Variants in USP30 observed in about 807,000 individuals in gnomAD.
USP30 encodes ubiquitin specific peptidase 30.
Under a neutral mutation model 68.2 loss-of-function variants are expected in USP30, and 41 were observed. The ratio of observed to expected loss-of-function variants is 0.60; its 90% CI spans 0.47 to 0.78. USP30 has a LOEUF of 0.78. Among genes scored for constraint, USP30 ranks in the 30% least tolerant of loss-of-function variants. The pLI is 0.00. For synonymous variants in USP30, 229 were observed against 253.7 expected (o/e 0.90, Z 0.93); for missense variants, 522 against 649.4 (o/e 0.80, Z 2.13).
chr12:109,072,051 C>T (rs1311255946), intron 5 of USP30, among the ~76,000 whole-genome samples: 1 of 152,078 alleles, frequency 6.6e-6, no homozygotes, highest in Non-Finnish European at 1.5e-5. Flanking sequence ...GAGGAGTTGA[C>T]AAAAGTTAAC....
At chr12:109,032,804 C>T (rs1477229191) in intron 3 of USP30, among the ~76,000 whole-genome samples, 2 of 152,216 alleles carry the variant, frequency 1.3e-5, no homozygotes, top group Non-Finnish European at 2.9e-5. Context: ...GCAGCTGCCT[C>T]CAGCCCACCA....
chr12:109,081,634 CA>C (rs2041805144), intron 8 of USP30: 2 of 556,616 alleles, frequency 3.6e-6, no homozygotes, highest in African/African-American at 4.2e-5. Flanking sequence ...CACACACACA[CA>C]CACACACACA....
At chr12:109,039,527 T>A (rs1163439906) in intron 3 of USP30, among the ~76,000 whole-genome samples, 1 of 152,132 alleles carries the variant, frequency 6.6e-6, no homozygotes. Flanking sequence ...TATAAGGAGA[T>A]GATACAGAAG....
At chr12:109,071,458 A>G (rs1469944996) in intron 4 of USP30, among the ~76,000 whole-genome samples, 154 bp from the exon 5 acceptor site, 1 of 152,184 alleles carries the variant, frequency 6.6e-6, no homozygotes, top group Non-Finnish European at 1.5e-5. Flanking sequence ...GACAGTGTCC[A>G]GGACATAACT....
chr12:109,045,817 G>T (rs971489261), intron 3 of USP30, among the ~76,000 whole-genome samples: 1 of 152,118 alleles, frequency 6.6e-6, no homozygotes, highest in Non-Finnish European at 1.5e-5. Context: ...AATAGAACGC[G>T]TGTGTATGTG....
At chr12:109,078,709 T>G (rs1443164318) in intron 7 of USP30, among the ~76,000 whole-genome samples, 1 of 152,226 alleles carries the variant, frequency 6.6e-6, no homozygotes, top group Non-Finnish European at 1.5e-5. Context: ...CATTTGATGT[T>G]TTTTCCCTTT....
At chr12:109,059,674 C>T (rs558526460) in intron 3 of USP30, among the ~76,000 whole-genome samples, 6 of 152,108 alleles carry the variant, frequency 3.9e-5, no homozygotes, top group Middle Eastern at 6.8e-3. Flanking sequence ...CCACCACGCC[C>T]GGCTAATGTT....
intron 1 of USP30, 39 bp downstream of exon 1, chr12:109,052,800 A>G: frequency 7.0e-7 from 1 of 1,420,548 alleles, no homozygotes; most frequent in South Asian, 1.6e-5. Context: ...AGAGGCCGGG[A>G]CCAGGGTCCC....
intron 7 of USP30, among the ~76,000 whole-genome samples, chr12:109,075,841 CT>C (rs34221615): frequency 0.64 from 75,911 of 119,528 alleles, 23,359 homozygotes; most frequent in East Asian, 0.91. Flanking sequence ...GTTACTTTTT[CT>C]TTTTTTTTTT....
At chr12:109,035,866 T>C (rs894870655) in intron 3 of USP30, among the ~76,000 whole-genome samples, 3 of 152,162 alleles carry the variant, frequency 2.0e-5, no homozygotes, top group Admixed American at 6.5e-5. Context: ...AAAAATTATA[T>C]ACAAAAAATA....
At chr12:109,040,069 G>GT (rs529180019) in intron 3 of USP30, among the ~76,000 whole-genome samples, 25 of 151,304 alleles carry the variant, frequency 1.7e-4, no homozygotes, top group Non-Finnish European at 3.2e-4. Context: ...GAAAAATATT[G>GT]TTTTTTTTCT....
intron 3 of USP30, among the ~76,000 whole-genome samples, chr12:109,063,186 G>T (rs539807149): frequency 6.6e-6 from 1 of 151,862 alleles, no homozygotes; most frequent in Non-Finnish European, 1.5e-5. Flanking sequence ...TGCCACTTCC[G>T]CCTTCCAGAT....
chr12:109,057,843 C>T (rs915311942), intron 2 of USP30, 83 bp from the exon 3 acceptor site: 29 of 1,445,810 alleles, frequency 2.0e-5, no homozygotes, highest in East Asian at 1.1e-4. Flanking sequence ...AAGGCCACAG[C>T]GCAGGAACTC....
intron 3 of USP30, among the ~76,000 whole-genome samples, chr12:109,044,367 G>A (rs1266560701): frequency 6.6e-6 from 1 of 152,206 alleles, no homozygotes; most frequent in Non-Finnish European, 1.5e-5. Context: ...TCCAGACATG[G>A]TGGCTCACGC....
At chr12:109,059,501 T>C (rs375813428) in intron 3 of USP30, among the ~76,000 whole-genome samples, 14 of 152,086 alleles carry the variant, frequency 9.2e-5, no homozygotes, top group African/African-American at 3.1e-4. Context: ...TGGCCCCAAC[T>C]TCATTTTTAT....
At chr12:109,083,618 C>T (rs2041868610) in intron 11 of USP30, among the ~76,000 whole-genome samples, 1 of 152,100 alleles carries the variant, frequency 6.6e-6, no homozygotes, top group Admixed American at 6.6e-5. Context: ...CAAGGGCAAA[C>T]ACCACACAGG....
intron 3 of USP30, among the ~76,000 whole-genome samples, chr12:109,040,960 A>T (rs2040560535): frequency 6.6e-6 from 1 of 152,168 alleles, no homozygotes; most frequent in Non-Finnish European, 1.5e-5. Context: ...ATTGCCCTAC[A>T]TGGTCAAAAT....
At chr12:109,059,997 C>T (rs1390157838) in intron 3 of USP30, 2 of 152,230 alleles carry the variant, frequency 1.3e-5, no homozygotes, top group Non-Finnish European at 2.9e-5. Flanking sequence ...TGTGGCCATA[C>T]TACCCTGAAC....
intron 1 of USP30, among the ~76,000 whole-genome samples, chr12:109,055,445 C>T (rs2040839330): frequency 1.1e-5 from 1 of 91,324 alleles, no homozygotes; most frequent in African/African-American, 3.4e-5. Flanking sequence ...CTCAGTCACC[C>T]AGGCTGGAGT....
Sources: allele counts gnomAD v4.1 joint callset (sites outside exome capture counted in the v4.1 genomes callset), GRCh38; gene constraint gnomAD v4.1.1; transcripts MANE v1.5; gene names NCBI Gene and HGNC (gene_info 2026-07-23, HGNC 2026-07-21).